KDM4D: variants seen among roughly 807,000 people sequenced by gnomAD.
KDM4D encodes lysine-specific demethylase 4D.
For synonymous variants in KDM4D, 254 were observed against 249.1 expected (o/e 1.02, Z -0.19); for missense variants, 427 against 674.8 (o/e 0.63, Z 4.07).
chr11:94,981,102 A>G (rs1857838555), intron 2 of KDM4D, among the ~76,000 whole-genome samples: 1 of 152,126 alleles, frequency 6.6e-6, no homozygotes, highest in South Asian at 2.1e-4. Flanking sequence ...TGCTGAAAGA[A>G]TGATGAATTG....
chr11:94,978,532 G>A (rs1442457379), intron 2 of KDM4D, among the ~76,000 whole-genome samples: 5 of 152,094 alleles, frequency 3.3e-5, no homozygotes, highest in Non-Finnish European at 7.4e-5. Context: ...ATTATTTCCT[G>A]GAGACAGCCT....
intron 2 of KDM4D, among the ~76,000 whole-genome samples, chr11:94,983,189 TCTATC>T (rs1555097760): frequency 6.6e-6 from 1 of 151,828 alleles, no homozygotes; most frequent in East Asian, 1.9e-4. Flanking sequence ...TAGAAAGACA[TCTATC>T]CTTACATTGT....
chr11:94,996,313 TG>T, intron 2 of KDM4D, among the ~76,000 whole-genome samples: 1 of 152,290 alleles, frequency 6.6e-6, no homozygotes, highest in Admixed American at 6.5e-5. Context: ...ACCCAGGTTC[TG>T]AACAGATTAA....
At chr11:94,982,455 T>C (rs1555097662) in intron 2 of KDM4D, among the ~76,000 whole-genome samples, 1 of 151,580 alleles carries the variant, frequency 6.6e-6, no homozygotes, top group Admixed American at 6.6e-5. Flanking sequence ...TATTAAAATC[T>C]TAGATGAGTA....
intron 2 of KDM4D, among the ~76,000 whole-genome samples, chr11:94,993,287 T>C (rs1275689804): frequency 6.6e-6 from 1 of 152,196 alleles, no homozygotes; most frequent in African/African-American, 2.4e-5. Context: ...ACTGTCAAGT[T>C]TTCTTAGATG....
rs1857993652 is a variant in KDM4D at position 94,998,353 on chromosome 11, C to T, written c.981C>T (p.Ile327=). The change falls in exon 3 of 3, where the codon ATC becomes ATT. Residue 327 remains isoleucine, a synonymous_variant. Coordinates refer to ENST00000335080, the MANE Select transcript of KDM4D (RefSeq NM_018039.3). The surrounding 1 kb of genome is among the most constrained non-coding windows in gnomAD (Gnocchi z 6.7). The stretch of plus-strand genomic sequence containing the variant: ...TTTCCATGGATGCCTTCGTGCGCAT[C>T]CTGCAACCTGAACGCTATGACCTGT... ...VTFSMDAFVR[I]LQPERYDLWK... 2 of 1,614,166 alleles carry T rather than the reference C, an allele frequency of 1.2e-6. No homozygotes were observed. The highest frequency in any genetic ancestry group is 1.7e-6 in the Non-Finnish European group (2 of 1,180,026).
At chr11:94,983,538 A>G (rs1857859727) in intron 2 of KDM4D, among the ~76,000 whole-genome samples, 1 of 152,148 alleles carries the variant, frequency 6.6e-6, no homozygotes, top group African/African-American at 2.4e-5. Context: ...TATTTGCAAC[A>G]ATACAATAGA....
Position 94,997,902 on chromosome 11 carries a change from C to G in KDM4D, c.530C>G (p.Thr177Arg). The G allele has an allele frequency of 6.2e-7, 1 of 1,614,236 alleles. No homozygotes were observed. The highest frequency in any genetic ancestry group is 8.5e-7 in the Non-Finnish European group (1 of 1,180,024). ...GGGGTTGTCATAGAAGGCGTCAATA[C>G]ACCCTACTTGTACTTTGGCATGTGG... The part of the protein sequence containing the change: ...ECGVVIEGVN[T>R]PYLYFGMWKT... The change falls in exon 3 of 3, where the codon ACA becomes AGA. Residue 177 changes from threonine to arginine, a missense_variant. Physicochemically the swap from Thr to Arg is moderately conservative, Grantham distance 71. Coordinates refer to ENST00000335080, the MANE Select transcript of KDM4D (RefSeq NM_018039.3).
intron 2 of KDM4D, among the ~76,000 whole-genome samples, chr11:94,978,036 TATG>T (rs1174854598): frequency 6.6e-6 from 1 of 152,200 alleles, no homozygotes; most frequent in Non-Finnish European, 1.5e-5. Flanking sequence ...CAAATGAAGA[TATG>T]ATAAGACCCA....
chr11:94,976,567 CTCTT>C (rs1303994200), intron 2 of KDM4D, among the ~76,000 whole-genome samples: 7 of 152,266 alleles, frequency 4.6e-5, no homozygotes, highest in African/African-American at 1.7e-4. Context: ...TATATATTTT[CTCTT>C]TCTTATGATC....
At chr11:94,978,364 TC>T (rs1204021903) in intron 2 of KDM4D, among the ~76,000 whole-genome samples, 30 of 152,268 alleles carry the variant, frequency 2.0e-4, no homozygotes, top group African/African-American at 6.7e-4. Flanking sequence ...AATAATGAAA[TC>T]TACTTCAAAT....
At chr11:94,975,603 T>C (rs1486028156) in intron 1 of KDM4D, 51 bp from the exon 2 acceptor site, 1 of 151,646 alleles carries the variant, frequency 6.6e-6, no homozygotes, top group Non-Finnish European at 1.5e-5. Context: ...TTAGCTATTA[T>C]TATTATTATT....
At chr11:94,992,355 G>C (rs191369086) in intron 2 of KDM4D, among the ~76,000 whole-genome samples, 349 of 151,748 alleles carry the variant, frequency 2.3e-3, no homozygotes, top group South Asian at 3.9e-3. Context: ...ATATAAGTAG[G>C]TAAGAAAACA....
chr11:94,993,486 A>C (rs782627174), intron 2 of KDM4D, among the ~76,000 whole-genome samples: 32 of 150,346 alleles, frequency 2.1e-4, no homozygotes, highest in Middle Eastern at 3.2e-3. Context: ...GGATCTCTCC[A>C]TCATTGTACC....
At position 94,991,342 on chromosome 11, in the gene KDM4D, ATG is replaced by A. The variant is rs199789489; in HGVS notation, c.-349-5681_-349-5680del. ...CAGACATGTGAGGAAAGCCTTAAAT[ATG>A]AAAGAGACCAAAGCAAAAAAAAGAA... On this transcript the variant is annotated intron_variant, in intron 2 of 2. Coordinates refer to ENST00000335080, the MANE Select transcript of KDM4D (RefSeq NM_018039.3). Among the ~76,000 whole-genome samples the A allele has an allele frequency of 6.3e-3, 966 of 152,328 alleles. 13 individuals carry two copies. The highest frequency in any genetic ancestry group is 0.022 in the African/African-American group (918 of 41,578).
Position 94,998,691 on chromosome 11 carries a change from C to G in KDM4D, c.1319C>G (p.Ser440Cys). 1 of 1,614,234 alleles carries G rather than the reference C, an allele frequency of 6.2e-7. No individual in the cohort carries two copies. Residue 440 changes from serine (S) to cysteine (C), a missense_variant, in exon 3 of 3, where the codon TCT becomes TGT. By Grantham distance (112) the Ser-to-Cys change is moderately radical (BLOSUM62 -1). Transcript: ENST00000335080. This position sits in a 1 kb window ranked among gnomAD's most constrained non-coding sequence, Gnocchi z 6.7. The part of the protein sequence containing the change: ...SSTPSSTPGP[S>C]AQIIHPSNGR... Reference sequence around the variant, plus strand: ...ACTCCATCATCCACCCCTGGTCCATCTGCACAGATTATCCACCCGTCAAAT... The same window carrying G: ...ACTCCATCATCCACCCCTGGTCCATGTGCACAGATTATCCACCCGTCAAAT...
chr11:94,983,748 TAATAA>T (rs1346626293), intron 2 of KDM4D, among the ~76,000 whole-genome samples: 36 of 151,904 alleles, frequency 2.4e-4, no homozygotes, highest in Non-Finnish European at 3.8e-4. Context: ...ACAACTACAA[TAATAA>T]AATAAAAGGA....
intron 2 of KDM4D, among the ~76,000 whole-genome samples, chr11:94,979,912 G>A (rs1033001139): frequency 6.6e-6 from 1 of 152,096 alleles, no homozygotes; most frequent in Non-Finnish European, 1.5e-5. Flanking sequence ...CTCATTTGGT[G>A]GGTATATAGT....
At position 94,998,700 on chromosome 11, in the gene KDM4D, TTATCC is replaced by T. The variant is rs1857999268; in HGVS notation, c.1329_1333del (p.Ile444ProfsTer44). 6.2e-7 allele frequency: 1 copy of T among 1,614,032 alleles called. No homozygotes were observed. Among genetic ancestry groups the T allele is most frequent in the African/African-American group, 1.3e-5 (1 of 74,934 alleles). On this transcript the variant is annotated frameshift_variant, in exon 3 of 3. Coordinates refer to ENST00000335080, the MANE Select transcript of KDM4D (RefSeq NM_018039.3). LOFTEE classifies it low-confidence loss of function (END_TRUNC). The surrounding 1 kb of genome is among the most constrained non-coding windows in gnomAD (Gnocchi z 6.7). ...TCCACCCCTGGTCCATCTGCACAGA[TTATCC>T]ACCCGTCAAATGGCAGACGTGGTCG... is the stretch of plus-strand genomic sequence containing the variant.
Sources: allele counts gnomAD v4.1 joint callset (sites outside exome capture counted in the v4.1 genomes callset), GRCh38; gene constraint gnomAD v4.1.1; non-coding constraint Gnocchi (gnomAD v3.1); transcripts MANE v1.5; gene names NCBI Gene and HGNC (gene_info 2026-07-23, HGNC 2026-07-21).